The following ERC2 variants were observed in gnomAD, a reference collection of about 807,000 sequenced individuals.
ERC2 encodes ELKS/RAB6-interacting/CAST family member 2, also known as ERC protein 2.
A neutral mutation model predicts 114.8 loss-of-function variants in ERC2; 42 were observed. That is an observed-to-expected ratio of 0.37 (90% confidence interval 0.29 to 0.47). ERC2 has a LOEUF of 0.47. Ranked by LOEUF, ERC2 falls within the 20% of genes least tolerant of loss-of-function variation. The pLI is 0.99. For synonymous variants in ERC2, 454 were observed against 425.5 expected (o/e 1.07, Z -0.82); for missense variants, 939 against 1,150.7 (o/e 0.82, Z 2.66).
intron 2 of ERC2, among the ~76,000 whole-genome samples, chr3:56,371,801 G>A (rs2059372766): frequency 6.6e-6 from 1 of 152,204 alleles, no homozygotes; most frequent in Admixed American, 6.5e-5. Flanking sequence ...AGCCACAAAT[G>A]GGTTACCAGT....
At chr3:55,867,310 C>CCA (rs2062369995) in intron 14 of ERC2, among the ~76,000 whole-genome samples, 1 of 152,158 alleles carries the variant, frequency 6.6e-6, no homozygotes, top group Non-Finnish European at 1.5e-5. Flanking sequence ...CACCCACCTC[C>CCA]CACACACAGT....
chr3:55,534,906 G>T lies in ERC2; in HGVS notation c.*40-23630C>A, dbSNP rs1023755537. 5.9e-5 allele frequency among the ~76,000 whole-genome samples: 9 copies of T among 152,260 alleles called. No homozygotes were observed. The East Asian group carries it at 1.5e-3, about 26-fold the overall frequency. ...GCCCCCATGGTTTTGAGAGGAAATG[G>T]CTGAGCATCATGGTCAATGGAAGAC... On this transcript the variant is annotated intron_variant, in intron 17 of 17. Transcript: ENST00000288221.
At chr3:56,466,031 G>C (rs1015918993) in intron 1 of ERC2, among the ~76,000 whole-genome samples, 1 of 152,228 alleles carries the variant, frequency 6.6e-6, no homozygotes. Context: ...ACTGTGGCAA[G>C]ATACTGAATT....
chr3:55,814,446 G>A (rs762762130), intron 14 of ERC2, among the ~76,000 whole-genome samples: 3 of 152,170 alleles, frequency 2.0e-5, no homozygotes, highest in Non-Finnish European at 4.4e-5. Flanking sequence ...AAGAGTTTTT[G>A]CTCTGCTGTA....
At chr3:55,553,262 C>T (rs1418993363) in intron 17 of ERC2, among the ~76,000 whole-genome samples, 2 of 151,642 alleles carry the variant, frequency 1.3e-5, no homozygotes, top group East Asian at 3.9e-4. Flanking sequence ...CCTTGTGATC[C>T]ACCTGCCTCA....
intron 1 of ERC2, among the ~76,000 whole-genome samples, chr3:56,435,987 G>A (rs973699062): frequency 6.6e-6 from 1 of 152,190 alleles, no homozygotes; most frequent in African/African-American, 2.4e-5. Flanking sequence ...CAAAGGAGAA[G>A]AAGTTCCCAT....
intron 1 of ERC2, among the ~76,000 whole-genome samples, chr3:56,454,983 A>T (rs921619002): frequency 6.6e-6 from 1 of 152,252 alleles, no homozygotes; most frequent in South Asian, 2.1e-4. Flanking sequence ...TATCATTTAT[A>T]TGAGGTACCT....
At chr3:56,085,609 T>C (rs1161355258) in intron 6 of ERC2, among the ~76,000 whole-genome samples, 1 of 152,172 alleles carries the variant, frequency 6.6e-6, no homozygotes, top group Non-Finnish European at 1.5e-5. Context: ...TGTGGCCCAT[T>C]TTTGTTTAAA....
At position 56,192,123 on chromosome 3, in the gene ERC2, T is replaced by TAGCCATTATTACCTACATCTCTCC. The variant is rs553752139; in HGVS notation, c.1075-18627_1075-18604dup. Among the ~76,000 whole-genome samples the TAGCCATTATTACCTACATCTCTCC allele has an allele frequency of 1.1e-4, 16 of 151,978 alleles. No homozygotes were observed. The East Asian group carries it at 2.9e-3, about 28-fold the overall frequency. ...AGATTCAATCTCCAGCCTTTCCTCT[T>TAGCCATTATTACCTACATCTCTCC]AGCCATTATTACCTACATCTCTCCA... is the stretch of plus-strand genomic sequence containing the variant. On this transcript the variant is annotated intron_variant, in intron 3 of 17. Coordinates refer to ENST00000288221, the MANE Select transcript of ERC2 (RefSeq NM_015576.3).
intron 13 of ERC2, among the ~76,000 whole-genome samples, chr3:55,929,690 T>A (rs1402253991): frequency 2.0e-5 from 3 of 152,156 alleles, no homozygotes; most frequent in Admixed American, 2.0e-4. Flanking sequence ...AAGGGCCTAG[T>A]GGGAGGGGAC....
Position 55,800,210 on chromosome 3 carries a change from G to A in ERC2, c.2565-65292C>T, listed in dbSNP as rs780781276. On this transcript the variant is annotated intron_variant, in intron 14 of 17. Coordinates refer to ENST00000288221, the MANE Select transcript of ERC2 (RefSeq NM_015576.3). ...GGCTGGAGTGCAATGGCGTGATGTC[G>A]GCTCACTGCAACCTCCGCCTCCTGG... Among the ~76,000 whole-genome samples, 39 of 151,802 alleles carry A rather than the reference G, an allele frequency of 2.6e-4. 1 individual carries two copies. The highest frequency in any genetic ancestry group is 4.6e-4 in the Admixed American group (7 of 15,230).
intron 12 of ERC2, among the ~76,000 whole-genome samples, chr3:55,963,925 C>G (rs2068567161): frequency 6.6e-6 from 1 of 152,174 alleles, no homozygotes; most frequent in Non-Finnish European, 1.5e-5. Context: ...GTATGCAAGA[C>G]CTACTTTTAT....
intron 2 of ERC2, among the ~76,000 whole-genome samples, chr3:56,321,357 A>T (rs1323932534): frequency 6.6e-6 from 1 of 152,198 alleles, no homozygotes; most frequent in African/African-American, 2.4e-5. Flanking sequence ...ATGCAATTTA[A>T]AAAGAGGAGA....
intron 13 of ERC2, among the ~76,000 whole-genome samples, chr3:55,924,545 TC>T (rs2065637753): frequency 6.6e-6 from 1 of 152,010 alleles, no homozygotes; most frequent in East Asian, 1.9e-4. Context: ...CACCTGAGCA[TC>T]ACCTTCCTCT....
intron 14 of ERC2, among the ~76,000 whole-genome samples, chr3:55,815,492 C>G (rs2059873969): frequency 2.6e-5 from 4 of 152,130 alleles, no homozygotes; most frequent in Admixed American, 6.5e-5. Flanking sequence ...ATGGAGCGGC[C>G]ACGTGGAAAA....
Position 55,677,056 on chromosome 3 carries a change from A to C in ERC2, c.*39+6738T>G, listed in dbSNP as rs548072333. Among the ~76,000 whole-genome samples, 151 of 152,320 alleles carry C rather than the reference A, an allele frequency of 9.9e-4. No homozygotes were observed. In the Middle Eastern group the frequency reaches 0.01, roughly 10 times the overall value. On this transcript the variant is annotated intron_variant, in intron 17 of 17. Coordinates refer to ENST00000288221, the MANE Select transcript of ERC2 (RefSeq NM_015576.3). ...TTAAAAGCTTCTACCTTGGCCCCCAAGTCCATCACCCTTGAGAGCAGAAAG... is the reference window on the plus strand; with the variant it reads ...TTAAAAGCTTCTACCTTGGCCCCCACGTCCATCACCCTTGAGAGCAGAAAG...
At chr3:55,958,017 A>G (rs564053108) in intron 12 of ERC2, among the ~76,000 whole-genome samples, 2 of 152,328 alleles carry the variant, frequency 1.3e-5, no homozygotes, top group South Asian at 4.1e-4. Context: ...CTGTCCCACC[A>G]TTCAGTGGGT....
intron 1 of ERC2, among the ~76,000 whole-genome samples, chr3:56,461,898 T>A (rs946771290): frequency 6.6e-6 from 1 of 152,206 alleles, no homozygotes; most frequent in African/African-American, 2.4e-5. Context: ...AAATCCTTTA[T>A]TTTACAAATT....
chr3:56,171,136 C>T lies in ERC2; in HGVS notation c.1149+2310G>A, dbSNP rs1414059025. Among the ~76,000 whole-genome samples, 11 of 152,262 alleles carry T rather than the reference C, an allele frequency of 7.2e-5. No homozygotes were observed. The East Asian group carries it at 1.9e-3, about 27-fold the overall frequency. On this transcript the variant is annotated intron_variant, in intron 4 of 17. Transcript: ENST00000288221. ...TTGATGTTTACCCAGGGCTAAAATA[C>T]AACAGGGTCTCAAGTTCCACTCACT...
Sources: gnomAD v4.1 joint callset for allele counts (sites outside exome capture counted in the v4.1 genomes callset) on GRCh38, gnomAD v4.1.1 for gene constraint, MANE v1.5 for transcripts, NCBI Gene and HGNC (gene_info 2026-07-23, HGNC 2026-07-21) for gene names.